The following FANCD2OS variants were observed in gnomAD, a reference collection of about 807,000 sequenced individuals.
The protein encoded by FANCD2OS is FANCD2 opposite strand.
Under a neutral mutation model 13.2 loss-of-function variants are expected in FANCD2OS, and 11 were observed. The ratio of observed to expected loss-of-function variants is 0.83; its 90% CI spans 0.52 to 1.38. FANCD2OS has a LOEUF of 1.38. Among genes scored for constraint, FANCD2OS ranks in the 40% most tolerant of loss-of-function variants. The pLI is 0.00. For missense variants in FANCD2OS, 217 were observed against 213.9 expected (o/e 1.01, Z -0.09); for synonymous variants, 69 against 84.5 (o/e 0.82, Z 1.01).
At chr3:10,100,113 A>G (rs1695214060), downstream of FANCD2OS, among the ~76,000 whole-genome samples, 1 of 151,936 alleles carries the variant, frequency 6.6e-6, no homozygotes, top group Non-Finnish European at 1.5e-5. Flanking sequence ...GCTCAAGCCC[A>G]GGAGGTGGAG....
At chr3:10,094,502 A>G (rs974929313) in intron 2 of FANCD2OS, 2 of 776,370 alleles carry the variant, frequency 2.6e-6, no homozygotes, top group African/African-American at 1.7e-5. Context: ...GAGATCCCCA[A>G]ATTGGACTGA....
chr3:10,097,419 C>T (rs538998482), intron 2 of FANCD2OS, among the ~76,000 whole-genome samples: 293 of 152,290 alleles, frequency 1.9e-3, no homozygotes, highest in Non-Finnish European at 3.0e-3. Context: ...AGTTCAGAGA[C>T]CTACCCCTAG....
chr3:10,093,470 A>G (rs533849098), intron 2 of FANCD2OS: 1 of 760,296 alleles, frequency 1.3e-6, no homozygotes, highest in East Asian at 2.6e-5. Flanking sequence ...CAATGGATGC[A>G]TTTTCCCACC....
At chr3:10,095,244 G>C (rs766118736) in intron 2 of FANCD2OS, 1 of 1,614,118 alleles carries the variant, frequency 6.2e-7, no homozygotes, top group Non-Finnish European at 8.5e-7. Context: ...TGGACACAAG[G>C]CTGCTTCATC....
At chr3:10,103,741 T>C (rs74771857), downstream of FANCD2OS, among the ~76,000 whole-genome samples, 1,938 of 152,292 alleles carry the variant, frequency 0.013, 27 homozygotes, top group Non-Finnish European at 0.018. Context: ...CTACCCACTT[T>C]TGTACACTCT....
At chr3:10,101,077 A>T, downstream of FANCD2OS, 1 of 827,762 alleles carries the variant, frequency 1.2e-6, no homozygotes, top group Non-Finnish European at 2.0e-6. Flanking sequence ...AAAAAAAAAA[A>T]AAGTTTTAAC....
intron 2 of FANCD2OS, among the ~76,000 whole-genome samples, chr3:10,087,711 G>A (rs544676880): frequency 3.6e-4 from 55 of 151,922 alleles, no homozygotes; most frequent in African/African-American, 1.2e-3. Context: ...GCAGTGGTGC[G>A]ATGTTGGCTC....
At chr3:10,087,086 A>T (rs1393721686) in intron 2 of FANCD2OS, 1 of 1,606,440 alleles carries the variant, frequency 6.2e-7, no homozygotes, top group South Asian at 1.1e-5. Flanking sequence ...TATATCTGTG[A>T]CACATAGGAT....
Position 10,085,734 on chromosome 3 carries a change from T to G in FANCD2OS, c.*44-4203A>C, listed in dbSNP as rs143239014. 7.0e-3 allele frequency: 6,501 copies of G among 928,308 alleles called. 51 individuals carry two copies. The highest frequency in any genetic ancestry group is 0.023 in the Middle Eastern group (106 of 4,606). The allele number at this position is 928,308 out of a possible 1,614,324, so 57.5% of individuals were successfully genotyped here. ...CCGTTAAACTATTGATGGTACAGAC[T>G]GGAGGCCAGGATCCTTAAATACTAT... On this transcript the variant is annotated intron_variant, in intron 2 of 2. Transcript: ENST00000524279.
At chr3:10,097,188 G>A (rs141561972) in intron 2 of FANCD2OS, among the ~76,000 whole-genome samples, 166 of 152,308 alleles carry the variant, frequency 1.1e-3, no homozygotes, top group African/African-American at 3.9e-3. Context: ...TCACATGACC[G>A]CAGGACCGAG....
At chr3:10,101,353 C>A, downstream of FANCD2OS, 9 of 737,594 alleles carry the variant, frequency 1.2e-5, no homozygotes, top group Non-Finnish European at 1.9e-5. Flanking sequence ...GCCTTTCTTA[C>A]TGGTAGGATC....
rs999542235 is a variant in FANCD2OS, at chr3:10,104,923, A to G, written c.-8-141T>C. 7 of 507,780 alleles carry G rather than the reference A, an allele frequency of 1.4e-5. No homozygotes were observed. The East Asian group carries it at 2.4e-4, about 17-fold the overall frequency. 31.5% of individuals were successfully genotyped at this position (507,780 alleles called of 1,614,324 possible). A position where few individuals can be genotyped will look rare whatever the true frequency, so the allele number is the denominator to read the frequency against. On this transcript the variant is annotated intron_variant, in intron 1 of 1. Coordinates refer to ENST00000450660, the MANE Select transcript of FANCD2OS (RefSeq NM_001164839.2). ...TGAATAGATTCCAACAGGTGTTAGG[A>G]TATTAGTAATTATTTTATTTTATTT...
chr3:10,107,388 C>A (rs527486340), intron 1 of FANCD2OS, among the ~76,000 whole-genome samples: 44 of 151,970 alleles, frequency 2.9e-4, no homozygotes, highest in African/African-American at 8.2e-4. Context: ...CCCGGGTTCA[C>A]GCCATTCTCC....
intron 2 of FANCD2OS, among the ~76,000 whole-genome samples, chr3:10,090,620 G>A (rs558364451): frequency 2.6e-5 from 4 of 151,800 alleles, no homozygotes; most frequent in South Asian, 2.1e-4. Context: ...CACCACACCC[G>A]GCTAATTTTT....
At chr3:10,083,144 T>C (rs2125063636) in intron 2 of FANCD2OS, among the ~76,000 whole-genome samples, 1 of 152,152 alleles carries the variant, frequency 6.6e-6, no homozygotes, top group East Asian at 1.9e-4. Flanking sequence ...ACAGGATGGC[T>C]TGAGCCTGTG....
intron 2 of FANCD2OS, among the ~76,000 whole-genome samples, chr3:10,084,033 G>A (rs752837688): frequency 2.9e-4 from 44 of 151,358 alleles, no homozygotes; most frequent in Non-Finnish European, 5.2e-4. Flanking sequence ...TCACTCTGTC[G>A]CTCAGGCTGG....
At chr3:10,103,566 C>T (rs889807485), downstream of FANCD2OS, among the ~76,000 whole-genome samples, 1 of 152,066 alleles carries the variant, frequency 6.6e-6, no homozygotes, top group Non-Finnish European at 1.5e-5. Flanking sequence ...CAGAATGAAA[C>T]CCTGTCTCCA....
At chr3:10,093,201 G>A in intron 2 of FANCD2OS, 1 of 996,004 alleles carries the variant, frequency 1.0e-6, no homozygotes, top group Non-Finnish European at 1.6e-6. Context: ...AGCACCCAAA[G>A]CTGTGCTTTG....
intron 2 of FANCD2OS, chr3:10,081,567 CTT>C (rs1693837768): frequency 1.2e-6 from 1 of 861,150 alleles, no homozygotes; most frequent in Admixed American, 1.7e-5. Flanking sequence ...GTTCAAAAAT[CTT>C]ATGTGAATAT....
Sources: gnomAD v4.1 joint callset for allele counts (sites outside exome capture counted in the v4.1 genomes callset) on GRCh38, gnomAD v4.1.1 for gene constraint, MANE v1.5 for transcripts, NCBI Gene and HGNC (gene_info 2026-07-23, HGNC 2026-07-21) for gene names.